Variants in GH1 observed in about 807,000 individuals in gnomAD.
GH1 encodes growth hormone 1, also known as somatotropin.
Under a neutral mutation model 24.5 loss-of-function variants are expected in GH1, and 13 were observed. That is an observed-to-expected ratio of 0.53 (90% CI 0.35 to 0.85). The LOEUF (loss-of-function observed/expected upper bound fraction) is 0.85, where lower values mean the gene tolerates loss of function less well. GH1 is among the 40% of genes least tolerant of loss of function. GH1 has a pLI of 0.01. For missense variants in GH1, 294 were observed against 273.2 expected, an observed-to-expected ratio of 1.08 and a Z score of -0.54; for synonymous variants, 126 against 116.3, an observed-to-expected ratio of 1.08 and a Z score of -0.54.
intron 4 of GH1, 35 bp from the exon 5 acceptor site, chr17:63,917,541 G>A (rs760901065): frequency 6.3e-5 from 102 of 1,613,978 alleles, no homozygotes; most frequent in Non-Finnish European, 8.1e-5. Context: ...GAGGCCAAGC[G>A]CTTGGGTACT....
intron 4 of GH1, 86 bp from the exon 5 acceptor site, chr17:63,917,592 T>C: frequency 6.2e-7 from 1 of 1,612,552 alleles, no homozygotes. Flanking sequence ...CTCCCTCCCC[T>C]TCAGGGTGTA....
intron 1 of GH1, 94 bp from the exon 2 acceptor site, chr17:63,918,600 C>T: frequency 6.2e-7 from 1 of 1,610,314 alleles, no homozygotes; most frequent in Non-Finnish European, 8.5e-7. Flanking sequence ...TCTCTCCATC[C>T]CTCCAGGGAC....
In GH1 at chr17:63,918,053, C is replaced by A; in HGVS notation, c.255G>T (p.Pro85=). The A allele has an allele frequency of 6.2e-7, 1 of 1,614,078 alleles. No homozygotes were observed. The highest frequency in any genetic ancestry group is 8.5e-7 in the Non-Finnish European group (1 of 1,180,002). Residue 85 remains proline, a synonymous_variant, in exon 3 of 5, where the codon CCG becomes CCT. Transcript: ENST00000323322. ...GTGTTTCCTCCCTGTTGGAGGGTGT[C>A]GGAATAGACTCTGAGAAACAGAGGG... ...QTSLCFSESI[P]TPSNREETQQ...
rs369417483 is a variant in GH1 at position 63,918,300 on chromosome 17, C to A, written c.171+46G>T. The A allele has an allele frequency of 4.3e-6, 7 of 1,613,088 alleles. No individual in the cohort carries two copies. In the African/African-American group the frequency reaches 9.3e-5, roughly 22 times the overall value. On this transcript the variant is annotated intron_variant, in intron 2 of 4. Transcript: ENST00000323322. ...CTTATTTCCCAGCGGGGGAAAGTCA[C>A]CCCTTCCTGCCACCCCTGATGCGCA...
In GH1 at chr17:63,918,074, G is replaced by A; in HGVS notation, c.234C>T (p.Leu78=). The A allele has an allele frequency of 6.2e-7, 1 of 1,614,186 alleles. No individual in the cohort carries two copies. ...YSFLQNPQTS[L]CFSESIPTPS... ...GTGTCGGAATAGACTCTGAGAAACA[G>A]AGGGAGGTCTGGGGGTTCTGCAGGA... The change falls in exon 3 of 5, where the codon CTC becomes CTT. Residue 78 remains leucine (L), a synonymous_variant. Transcript: ENST00000323322.
In GH1 at chr17:63,917,440, T is replaced by A. The variant is rs1454201857; in HGVS notation, c.523A>T (p.Asn175Tyr). Residue 175 changes from asparagine to tyrosine, a missense_variant, in exon 5 of 5, where the codon AAC becomes TAC. By Grantham distance (143) the Asn-to-Tyr change is moderately radical (BLOSUM62 -2). Coordinates refer to ENST00000323322, the MANE Select transcript of GH1 (RefSeq NM_000515.5). ...FKQTYSKFDTNSHNDDALLKN... is the reference protein window; with the variant it reads ...FKQTYSKFDTYSHNDDALLKN... The stretch of plus-strand genomic sequence containing the variant: ...AGTAGTGCGTCATCGTTGTGTGAGT[T>A]TGTGTCGAACTTGCTGTAGGTCTGC... 1 of 1,613,924 alleles carries A rather than the reference T, an allele frequency of 6.2e-7. No homozygotes were observed. The highest frequency in any genetic ancestry group is 1.7e-5 in the Admixed American group (1 of 60,012).
intron 3 of GH1, 23 bp downstream of exon 3, chr17:63,917,994 C>G (rs935822693): frequency 6.2e-7 from 1 of 1,614,088 alleles, no homozygotes; most frequent in Non-Finnish European, 8.5e-7. Flanking sequence ...CCATCCCCGC[C>G]TGGGGAGAAG....
chr17:63,918,349 C>T lies in GH1; in HGVS notation c.168G>A (p.Glu56=). The T allele has an allele frequency of 1.2e-6, 2 of 1,614,198 alleles. No homozygotes were observed. The highest frequency in any genetic ancestry group is 4.5e-5 in the East Asian group (2 of 44,880). The change falls in exon 2 of 5, where the codon GAG becomes GAA. Residue 56 remains glutamate, a synonymous_variant. Coordinates refer to ENST00000323322, the MANE Select transcript of GH1 (RefSeq NM_000515.5). ...LHQLAFDTYQ[E]FEEAYIPKEQ... is the part of the protein sequence containing the mutation. The stretch of plus-strand genomic sequence containing the variant: ...CACCCATTCCCCAAGAGCTTACAAA[C>T]TCCTGGTAGGTGTCAAAGGCCAGCT...
Position 63,918,517 on chromosome 17 carries a change from A to G in GH1, c.11-11T>C. 6.2e-7 allele frequency: 1 copy of G among 1,613,816 alleles called. No individual in the cohort carries two copies. The highest frequency in any genetic ancestry group is 8.5e-7 in the Non-Finnish European group (1 of 1,179,972). ...GGGACGTCCGGGAGCCTGGGGAGAA[A>G]CCAGAGGGCAACAGAGGGAGCCGGA... On this transcript the variant is annotated splice_polypyrimidine_tract_variant and intron_variant, in intron 1 of 4. Coordinates refer to ENST00000323322, the MANE Select transcript of GH1 (RefSeq NM_000515.5).
Position 63,918,009 on chromosome 17 carries a change from C to A in GH1, c.291+8G>T, listed in dbSNP as rs367960425. The stretch of plus-strand genomic sequence containing the variant: ...CCATCCCCGCCTGGGGAGAAGGCAT[C>A]CACTCACGGATTTCTGTTGTGTTTC... On this transcript the variant is annotated splice_region_variant and intron_variant, in intron 3 of 4. Coordinates refer to ENST00000323322, the MANE Select transcript of GH1 (RefSeq NM_000515.5). 215 of 1,614,026 alleles carry A rather than the reference C, an allele frequency of 1.3e-4. No individual in the cohort carries two copies. Among genetic ancestry groups the A allele is most frequent in the Non-Finnish European group, 1.7e-4 (205 of 1,180,016 alleles).
At position 63,917,750 on chromosome 17, in the gene GH1, C is replaced by T. The variant is rs559466907; in HGVS notation, c.456+10G>A. On this transcript the variant is annotated intron_variant, in intron 4 of 4. Coordinates refer to ENST00000323322, the MANE Select transcript of GH1 (RefSeq NM_000515.5). ...GCTCCAGGATTGGGGACCCCTGGCG[C>T]CACCCTCACCCCCATCAGCGTTTGG... 27 of 1,614,198 alleles carry T rather than the reference C, an allele frequency of 1.7e-5. No homozygotes were observed. The East Asian group carries it at 4.7e-4, about 28-fold the overall frequency.
intron 1 of GH1, 70 bp downstream of exon 1, chr17:63,918,697 G>C: frequency 1.9e-6 from 3 of 1,612,676 alleles, no homozygotes; most frequent in Non-Finnish European, 2.5e-6. Flanking sequence ...TAGTGCCCCC[G>C]TCCCATCTAC....
At chr17:63,918,611 C>A (rs531065109) in intron 1 of GH1, 105 bp from the exon 2 acceptor site, 108 of 1,610,060 alleles carry the variant, frequency 6.7e-5, no homozygotes, top group Middle Eastern at 4.4e-4. Flanking sequence ...CTCCAGGGAC[C>A]AGGAGCTTTC....
chr17:63,918,311 C>T lies in GH1; in HGVS notation c.171+35G>A, dbSNP rs72481826. On this transcript the variant is annotated intron_variant, in intron 2 of 4. Transcript: ENST00000323322. ...GCGGGGGAAAGTCACCCCTTCCTGC[C>T]ACCCCTGATGCGCACCCATTCCCCA... The T allele has an allele frequency of 1.7e-4, 273 of 1,613,618 alleles. No individual in the cohort carries two copies. The Middle Eastern group carries it at 1.8e-3, about 11-fold the overall frequency.
intron 1 of GH1, 125 bp downstream of exon 1, chr17:63,918,642 G>T: frequency 6.2e-7 from 1 of 1,609,486 alleles, no homozygotes; most frequent in Middle Eastern, 2.2e-4. Flanking sequence ...CAAATACTGG[G>T]CTTACATGGC....
chr17:63,918,723 C>T, intron 1 of GH1, 44 bp downstream of exon 1: 5 of 1,613,636 alleles, frequency 3.1e-6, no homozygotes, highest in South Asian at 1.1e-5. Context: ...GCTGCCTCTC[C>T]CCTCAGGACA....
chr17:63,918,253 C>G, intron 2 of GH1, 93 bp downstream of exon 2: 1 of 1,611,010 alleles, frequency 6.2e-7, no homozygotes, highest in Non-Finnish European at 8.5e-7. Context: ...GGGAAAAACC[C>G]TGAGCTCCTT....
In GH1 at chr17:63,917,997, G is replaced by T. The variant is rs753995450; in HGVS notation, c.291+20C>A. On this transcript the variant is annotated intron_variant, in intron 3 of 4. Transcript: ENST00000323322. ...TACAGGTCTCCCCCATCCCCGCCTG[G>T]GGAGAAGGCATCCACTCACGGATTT... is the stretch of plus-strand genomic sequence containing the variant. 22 of 1,614,214 alleles carry T rather than the reference G, an allele frequency of 1.4e-5. No individual in the cohort carries two copies. In the South Asian group the frequency reaches 2.1e-4, roughly 15 times the overall value.
At position 63,917,892 on chromosome 17, in the gene GH1, G is replaced by A. The variant is rs894190751; in HGVS notation, c.324C>T (p.Leu108=). The stretch of plus-strand genomic sequence containing the variant: ...GCACGGGCTCCAGCCACGACTGGAT[G>A]AGCAGCAGGGAGATGCGGAGCAGCT... ...NLELLRISLL[L]IQSWLEPVQF... is the part of the protein sequence containing the mutation. The change falls in exon 4 of 5, where the codon CTC becomes CTT. Residue 108 remains leucine (L), a synonymous_variant. Coordinates refer to ENST00000323322, the MANE Select transcript of GH1 (RefSeq NM_000515.5). 2 of 1,614,078 alleles carry A rather than the reference G, an allele frequency of 1.2e-6. No homozygotes were observed. Among genetic ancestry groups the A allele is most frequent in the African/African-American group, 2.7e-5 (2 of 74,938 alleles).
Sources: allele counts gnomAD v4.1 joint callset, GRCh38; gene constraint gnomAD v4.1.1; transcripts MANE v1.5; gene names NCBI Gene and HGNC (gene_info 2026-07-23, HGNC 2026-07-21).